The following HTR4 variants were observed in gnomAD, a reference collection of about 807,000 sequenced individuals.
The protein encoded by HTR4 is 5-hydroxytryptamine receptor 4.
A neutral mutation model predicts 36.8 loss-of-function variants in HTR4; 16 were observed. The ratio of observed to expected loss-of-function variants is 0.43; its 90% confidence interval spans 0.29 to 0.66. HTR4 has a LOEUF of 0.66. HTR4 is among the 30% of genes least tolerant of loss of function. The pLI is 0.13. For synonymous variants in HTR4, 189 were observed against 185.1 expected (o/e 1.02, Z -0.17); for missense variants, 438 against 490.9 (o/e 0.89, Z 1.02).
chr5:148,468,617 C>A (rs547462768), intron 5 of HTR4, among the ~76,000 whole-genome samples: 2 of 152,150 alleles, frequency 1.3e-5, no homozygotes, highest in Non-Finnish European at 2.9e-5. Flanking sequence ...TTACTTCCAT[C>A]GTTGGAAGCA....
chr5:148,456,865 G>A (rs1362797692), intron 5 of HTR4, among the ~76,000 whole-genome samples: 1 of 152,204 alleles, frequency 6.6e-6, no homozygotes, highest in Non-Finnish European at 1.5e-5. Flanking sequence ...TTGGAATAGT[G>A]CCAGCCAAAA....
intron 4 of HTR4, among the ~76,000 whole-genome samples, chr5:148,541,630 C>G (rs1759120929): frequency 6.6e-6 from 1 of 151,982 alleles, no homozygotes; most frequent in East Asian, 1.9e-4. Context: ...TAAAAGAAAC[C>G]CAAGGCACAG....
At chr5:148,514,474 G>A (rs370798691) in intron 5 of HTR4, among the ~76,000 whole-genome samples, 1 of 151,950 alleles carries the variant, frequency 6.6e-6, no homozygotes, top group African/African-American at 2.4e-5. Context: ...TTTTTCTTAA[G>A]GATTGAAGGA....
At chr5:148,516,646 C>A (rs538092067) in intron 5 of HTR4, among the ~76,000 whole-genome samples, 2 of 133,636 alleles carry the variant, frequency 1.5e-5, no homozygotes, top group Admixed American at 1.5e-4. Flanking sequence ...TTTGTAGATG[C>A]TCCTTATCTA....
intron 4 of HTR4, among the ~76,000 whole-genome samples, chr5:148,547,161 G>T (rs1449276018): frequency 6.6e-6 from 1 of 152,180 alleles, no homozygotes; most frequent in Non-Finnish European, 1.5e-5. Context: ...AATAGGAGAT[G>T]AACCTGCTGT....
chr5:148,551,942 G>A (rs187487949), intron 2 of HTR4, among the ~76,000 whole-genome samples: 175 of 152,314 alleles, frequency 1.1e-3, no homozygotes, highest in African/African-American at 3.5e-3. Context: ...TTGTCAGAGC[G>A]TGCTAGTGGC....
At chr5:148,596,499 G>A (rs1303690514) in intron 2 of HTR4, among the ~76,000 whole-genome samples, 4 of 152,096 alleles carry the variant, frequency 2.6e-5, no homozygotes, top group Admixed American at 6.6e-5. Flanking sequence ...CTAGCTCAGC[G>A]TTTCCCAATG....
chr5:148,568,997 A>G (rs1038088190), intron 2 of HTR4, among the ~76,000 whole-genome samples: 1 of 152,104 alleles, frequency 6.6e-6, no homozygotes, highest in Non-Finnish European at 1.5e-5. Context: ...AGGGATCCAT[A>G]TACATATAAT....
chr5:148,484,247 G>C lies in HTR4; in HGVS notation c.1077-954C>G, dbSNP rs201870838. The C allele has an allele frequency of 1.6e-5, 26 of 1,610,270 alleles. No homozygotes were observed. The Admixed American group carries it at 4.4e-4, about 27-fold the overall frequency. Reference sequence around the variant, plus strand: ...AAAATGTTGAGCAAGATAAAACAGAGAATCATAGTTACCCCAAGACAGGCT... The same window carrying C: ...AAAATGTTGAGCAAGATAAAACAGACAATCATAGTTACCCCAAGACAGGCT... On this transcript the variant is annotated intron_variant, in intron 6 of 6. Transcript: ENST00000377888.
intron 1 of HTR4, among the ~76,000 whole-genome samples, chr5:148,650,735 C>A (rs749718873): frequency 2.0e-5 from 3 of 152,182 alleles, no homozygotes; most frequent in Non-Finnish European, 4.4e-5. Context: ...TGCCACCACC[C>A]CTTTCACTCT....
chr5:148,549,507 A>C (rs1283592221), intron 3 of HTR4, among the ~76,000 whole-genome samples: 5 of 152,168 alleles, frequency 3.3e-5, no homozygotes, highest in African/African-American at 1.2e-4. Context: ...CACCTGATGC[A>C]TTTTAATAAG....
chr5:148,490,997 A>G (rs1028179537), intron 6 of HTR4, among the ~76,000 whole-genome samples: 7 of 152,194 alleles, frequency 4.6e-5, no homozygotes, highest in Admixed American at 6.5e-5. Flanking sequence ...CGGCTTGTCA[A>G]TTCCCGGTAT....
At chr5:148,599,365 T>G (rs140714429) in intron 2 of HTR4, among the ~76,000 whole-genome samples, 1 of 151,972 alleles carries the variant, frequency 6.6e-6, no homozygotes, top group African/African-American at 2.4e-5. Context: ...CCAATGTAAA[T>G]AGAAAATTTT....
rs1755410591 is a variant in HTR4, at chr5:148,465,775, C to T, written c.1077-14503G>A. On this transcript the variant is annotated intron_variant, in intron 5 of 5. Transcript: ENST00000521530. ...CTGTGAGGACAGAAGTATAAACAGA[C>T]ACTTAAGGATATTTTGTATAAAGAA... 33 of 1,546,508 alleles carry T rather than the reference C, an allele frequency of 2.1e-5. No individual in the cohort carries two copies. The South Asian group carries it at 4.1e-4, about 19-fold the overall frequency.
chr5:148,521,036 A>C, intron 5 of HTR4: 1 of 1,361,378 alleles, frequency 7.3e-7, no homozygotes. Context: ...CCCTGTCTTG[A>C]GGGTCCTGTT....
chr5:148,512,822 T>C (rs955785093), intron 5 of HTR4, among the ~76,000 whole-genome samples: 16 of 151,984 alleles, frequency 1.1e-4, no homozygotes, highest in African/African-American at 3.9e-4. Context: ...TTCTAGCTCC[T>C]AGGGTGGCTG....
At chr5:148,573,631 A>C (rs145086133) in intron 2 of HTR4, among the ~76,000 whole-genome samples, 1 of 152,184 alleles carries the variant, frequency 6.6e-6, no homozygotes, top group African/African-American at 2.4e-5. Context: ...TGGGGAGTGC[A>C]AATCTACAAT....
intron 6 of HTR4, among the ~76,000 whole-genome samples, chr5:148,493,914 G>A (rs999389296): frequency 6.6e-6 from 1 of 152,166 alleles, no homozygotes; most frequent in African/African-American, 2.4e-5. Flanking sequence ...AACCTCTAAA[G>A]TTCAAGGTAA....
intron 6 of HTR4, among the ~76,000 whole-genome samples, chr5:148,492,332 AG>A (rs1356621153): frequency 1.3e-5 from 2 of 152,224 alleles, no homozygotes; most frequent in Non-Finnish European, 2.9e-5. Flanking sequence ...TCAAAATAAC[AG>A]CCCCAACTGT....
Sources: gnomAD v4.1 joint callset for allele counts (sites outside exome capture counted in the v4.1 genomes callset) on GRCh38, gnomAD v4.1.1 for gene constraint, MANE v1.5 for transcripts, NCBI Gene and HGNC (gene_info 2026-07-23, HGNC 2026-07-21) for gene names.